Variants in C2orf49 observed in about 807,000 individuals in gnomAD.
C2orf49 encodes tRNA-splicing ligase complex subunit ASW.
In C2orf49, 11 loss-of-function variants were observed where a neutral mutation model predicts 20.6. The observed-to-expected ratio is 0.53, with a 90% CI of 0.34 to 0.88. The LOEUF (loss-of-function observed/expected upper bound fraction) is 0.88, where lower values mean the gene tolerates loss of function less well. Ranked by LOEUF, C2orf49 falls within the 40% of genes least tolerant of loss-of-function variation. C2orf49 has a pLI of 0.02. For missense variants in C2orf49, 289 were observed against 274.2 expected (o/e 1.05, Z -0.38); for synonymous variants, 134 against 108.5 (o/e 1.24, Z -1.46).
At chr2:105,339,095 G>A (rs1226001987) in intron 1 of C2orf49, among the ~76,000 whole-genome samples, 4 of 152,140 alleles carry the variant, frequency 2.6e-5, no homozygotes, top group African/African-American at 9.7e-5. Context: ...TTGAAATCTT[G>A]GTAGTTAACT....
chr2:105,371,426 A>C, the C2orf49 span, among the ~76,000 whole-genome samples: 5 of 151,996 alleles, frequency 3.3e-5, no homozygotes, highest in African/African-American at 1.2e-4. Context: ...CGCCCTACGG[A>C]ATTCAAATGC....
At chr2:105,364,380 C>A in the C2orf49 span, among the ~76,000 whole-genome samples, 1,273 of 152,328 alleles carry the variant, frequency 8.4e-3, 12 homozygotes, top group Middle Eastern at 0.017. Flanking sequence ...ACAGCCGGGA[C>A]TAGCACCTGC....
chr2:105,342,153 C>G (rs1558666560), intron 2 of C2orf49, among the ~76,000 whole-genome samples: 1 of 152,238 alleles, frequency 6.6e-6, no homozygotes, highest in African/African-American at 2.4e-5. Flanking sequence ...CCCTGGGCAA[C>G]AAGAGCGCAA....
Position 105,338,697 on chromosome 2 carries a change from T to C in C2orf49, c.100-886T>C, listed in dbSNP as rs564378785. ...CTTCTGAGCGAGTACGGGCTAAAAA[T>C]AGATGAGTCTAATATACGAAAGAGA... On this transcript the variant is annotated intron_variant, in intron 1 of 3. Transcript: ENST00000258457. 1.7e-4 allele frequency among the ~76,000 whole-genome samples: 26 copies of C among 152,298 alleles called. No homozygotes were observed. The South Asian group carries it at 5.2e-3, about 30-fold the overall frequency.
chr2:105,337,711 G>T (rs769519134), intron 1 of C2orf49, 25 bp downstream of exon 1: 5 of 360,678 alleles, frequency 1.4e-5, no homozygotes, highest in South Asian at 6.1e-5. Context: ...ATCGGAGGGT[G>T]GGCGGGTGGG....
chr2:105,383,469 G>GA, the C2orf49 span, among the ~76,000 whole-genome samples: 1 of 152,196 alleles, frequency 6.6e-6, no homozygotes, highest in African/African-American at 2.4e-5. Flanking sequence ...GCTACATAGA[G>GA]AGGATGTTCA....
At position 105,342,497 on chromosome 2, in the gene C2orf49, G is replaced by C. The variant is rs1234715164; in HGVS notation, c.267-351G>C. The stretch of plus-strand genomic sequence containing the variant: ...TTATCATCCTTTTAAAATAATAACT[G>C]ATTACATGGTTAAGATAACCCTATC... On this transcript the variant is annotated intron_variant, in intron 2 of 3. Transcript: ENST00000258457. Among the ~76,000 whole-genome samples, 3 of 151,904 alleles carry C rather than the reference G, an allele frequency of 2.0e-5. No individual in the cohort carries two copies. The East Asian group carries it at 5.8e-4, about 29-fold the overall frequency.
chr2:105,345,323 G>A lies in C2orf49; in HGVS notation c.651G>A (p.Leu217=). 6.2e-7 allele frequency: 1 copy of A among 1,612,412 alleles called. No individual in the cohort carries two copies. The highest frequency in any genetic ancestry group is 1.3e-5 in the African/African-American group (1 of 74,932). The part of the protein sequence containing the change: ...PKEEAEAMNN[L]KPPQAKRKIQ... ...CTGTTCATGTCTTTCAGAATAACCTGAAGCCCCCACAAGCAAAAAGGAAGA... is the reference window on the plus strand; with the variant it reads ...CTGTTCATGTCTTTCAGAATAACCTAAAGCCCCCACAAGCAAAAAGGAAGA... The change falls in exon 4 of 4, where the codon CTG becomes CTA. Residue 217 remains leucine (L), a synonymous_variant. Coordinates refer to ENST00000258457, the MANE Select transcript of C2orf49 (RefSeq NM_024093.3).
intron 3 of C2orf49, among the ~76,000 whole-genome samples, chr2:105,344,262 G>C (rs2576769): frequency 0.32 from 47,945 of 151,974 alleles, 7,768 homozygotes; most frequent in South Asian, 0.4. Flanking sequence ...GCCATGCTTC[G>C]TCCATACTCC....
At chr2:105,385,489 A>C in the C2orf49 span, among the ~76,000 whole-genome samples, 13 of 152,268 alleles carry the variant, frequency 8.5e-5, no homozygotes, top group Admixed American at 6.5e-4. Flanking sequence ...GAAAAGAGAT[A>C]GTAAAATGCC....
chr2:105,352,055 G>A (rs571610619), downstream of C2orf49, among the ~76,000 whole-genome samples: 11 of 152,196 alleles, frequency 7.2e-5, no homozygotes, highest in African/African-American at 1.2e-4. Context: ...ACCAACCACC[G>A]TCCATTTACT....
At position 105,347,940 on chromosome 2, in the gene C2orf49, G is replaced by C. The variant is rs1185269348; in HGVS notation, c.*2569G>C. ...CAAATGAATGGCATTAGAATTAGTG[G>C]GTGGCTTGTAAGTTGTAGTTATAGG... is the stretch of plus-strand genomic sequence containing the variant. On this transcript the variant is annotated 3_prime_UTR_variant, in exon 4 of 4. Transcript: ENST00000258457. 1.3e-5 allele frequency: 2 copies of C among 152,152 alleles called. No individual in the cohort carries two copies. The highest frequency in any genetic ancestry group is 2.4e-5 in the African/African-American group (1 of 41,436). The allele number at this position is 152,152 out of a possible 1,614,324, so 9.4% of individuals were successfully genotyped here.
At chr2:105,363,584 T>TAAG in the C2orf49 span, 4 of 995,110 alleles carry the variant, frequency 4.0e-6, no homozygotes, top group Non-Finnish European at 5.9e-6. Flanking sequence ...TCCAGTTTGT[T>TAAG]AAGTCACCAA....
At chr2:105,351,323 C>T (rs999049698), downstream of C2orf49, among the ~76,000 whole-genome samples, 1 of 125,544 alleles carries the variant, frequency 8.0e-6, no homozygotes, top group South Asian at 3.2e-4. Context: ...GCCCCCCCCC[C>T]CCCAAAAAAA....
chr2:105,380,023 G>A, the C2orf49 span, among the ~76,000 whole-genome samples: 1 of 152,186 alleles, frequency 6.6e-6, no homozygotes, highest in Non-Finnish European at 1.5e-5. Context: ...TCTGAGTCAA[G>A]TTAATAAATT....
chr2:105,374,283 G>A, the C2orf49 span: 1 of 157,124 alleles, frequency 6.4e-6, no homozygotes, highest in Non-Finnish European at 1.4e-5. Flanking sequence ...GCTGGGGGAG[G>A]AAGGGAATTT....
At chr2:105,351,617 C>A (rs187080269), downstream of C2orf49, among the ~76,000 whole-genome samples, 1 of 152,312 alleles carries the variant, frequency 6.6e-6, no homozygotes, top group Admixed American at 6.5e-5. Flanking sequence ...TTTCAGTTCG[C>A]TCCCGTTTCC....
At chr2:105,372,734 A>T in the C2orf49 span, among the ~76,000 whole-genome samples, 3 of 151,938 alleles carry the variant, frequency 2.0e-5, no homozygotes, top group African/African-American at 7.3e-5. Flanking sequence ...GGTTGCAGTG[A>T]GTCAAGATTG....
chr2:105,345,379 T>C lies in C2orf49; in HGVS notation c.*8T>C, dbSNP rs1390646028. The C allele has an allele frequency of 2.5e-6, 4 of 1,608,154 alleles. No homozygotes were observed. The highest frequency in any genetic ancestry group is 1.1e-5 in the South Asian group (1 of 90,136). On this transcript the variant is annotated 3_prime_UTR_variant, in exon 4 of 4. Coordinates refer to ENST00000258457, the MANE Select transcript of C2orf49 (RefSeq NM_024093.3). ...CATGTTACTTGGCCCTGAAGAAAAG[T>C]TTCCAAAAATGTAAATATACTGTAA...
Sources: allele counts gnomAD v4.1 joint callset (sites outside exome capture counted in the v4.1 genomes callset), GRCh38; gene constraint gnomAD v4.1.1; transcripts MANE v1.5; gene names NCBI Gene and HGNC (gene_info 2026-07-23, HGNC 2026-07-21).